SLC34A1: variants seen among roughly 807,000 people sequenced by gnomAD.
SLC34A1 encodes the protein sodium-dependent phosphate transport protein 2A.
In SLC34A1, 57 loss-of-function variants were observed where a neutral mutation model predicts 51.4. The observed-to-expected ratio is 1.11, with a 90% CI of 0.90 to 1.38. The LOEUF (loss-of-function observed/expected upper bound fraction) is 1.38. Ranked by LOEUF, SLC34A1 falls within the 40% of genes most tolerant of loss-of-function variation. The pLI is 0.00. For missense variants in SLC34A1, 796 were observed against 835.6 expected, an observed-to-expected ratio of 0.95 and a Z score of 0.58; for synonymous variants, 368 against 358.0, an observed-to-expected ratio of 1.03 and a Z score of -0.32.
At position 177,386,152 on chromosome 5, in the gene SLC34A1, G is replaced by T. The variant is rs1277817463; in HGVS notation, c.259+16G>T. On this transcript the variant is annotated intron_variant, in intron 3 of 12. Transcript: ENST00000324417. This position sits in a 1 kb window ranked among gnomAD's most constrained non-coding sequence, Gnocchi z 4.8. ...CAGAAGCCAGGTGGGCCTGGGCTGG[G>T]GGTGGCAGAGGCGGCAGCAGTCCCT... 1 of 1,613,848 alleles carries T rather than the reference G, an allele frequency of 6.2e-7. No individual in the cohort carries two copies. Among genetic ancestry groups the T allele is most frequent in the South Asian group, 1.1e-5 (1 of 91,068 alleles).
intron 8 of SLC34A1, chr5:177,390,069 C>T (rs1220479141): frequency 9.6e-6 from 11 of 1,149,424 alleles, no homozygotes; most frequent in South Asian, 2.4e-5. Context: ...GTGTGAAGTG[C>T]GTCCTGGCTC....
At chr5:177,387,896 G>A (rs765161683) in intron 6 of SLC34A1, 23 bp downstream of exon 6, 13 of 1,605,648 alleles carry the variant, frequency 8.1e-6, no homozygotes, top group African/African-American at 4.0e-5. Context: ...GGGGGTTGGG[G>A]GCTCGTGCCT....
chr5:177,389,022 C>T (rs186131223), intron 8 of SLC34A1, among the ~76,000 whole-genome samples: 1 of 152,162 alleles, frequency 6.6e-6, no homozygotes, highest in Admixed American at 6.5e-5. Context: ...ATGTTAACAG[C>T]CGCTTGTGCT....
chr5:177,390,655 GAGA>G (rs1762770485), intron 8 of SLC34A1: 2 of 152,598 alleles, frequency 1.3e-5, no homozygotes, highest in South Asian at 2.1e-4. Flanking sequence ...TTGCTCTAAG[GAGA>G]AGTTCTCCTT....
rs1763037020 is a variant in SLC34A1 at position 177,398,228 on chromosome 5, CT to C, written c.1863del (p.Ala622ProfsTer60). 2.5e-6 allele frequency: 4 copies of C among 1,601,782 alleles called. No individual in the cohort carries two copies. Among genetic ancestry groups the C allele is most frequent in the Admixed American group, 3.3e-5 (2 of 59,996 alleles). ...PPRVFLEELP[P>X]ATPSPRLALP... ...AGGGTCTTCCTGGAGGAGCTACCCC[CT>C]GCCACACCCTCCCCCCGTCTTGCAC... On this transcript the variant is annotated frameshift_variant, in exon 13 of 13. Transcript: ENST00000324417. LOFTEE classifies it high-confidence loss of function. The surrounding 1 kb of genome is among the most constrained non-coding windows in gnomAD (Gnocchi z 4.7).
chr5:177,386,001 C>T lies in SLC34A1; in HGVS notation c.124C>T (p.Pro42Ser), dbSNP rs1390710404. Residue 42 changes from proline (P) to serine (S), a missense_variant, in exon 3 of 13, where the codon CCG becomes TCG. Pro to Ser is a moderately conservative substitution (Grantham distance 74, BLOSUM62 -1). Coordinates refer to ENST00000324417, the MANE Select transcript of SLC34A1 (RefSeq NM_003052.5). The surrounding 1 kb of genome is among the most constrained non-coding windows in gnomAD (Gnocchi z 4.8). ...VPSPQVLHRI[P>S]GTSAYAFPSL... Reference sequence around the variant, plus strand: ...TCCCTCCCTAGTCCTACACAGGATCCCGGGGACCTCTGCCTATGCCTTCCC... The same window carrying T: ...TCCCTCCCTAGTCCTACACAGGATCTCGGGGACCTCTGCCTATGCCTTCCC... 6.2e-7 allele frequency: 1 copy of T among 1,610,428 alleles called. No homozygotes were observed. Among genetic ancestry groups the T allele is most frequent in the African/African-American group, 1.3e-5 (1 of 74,882 alleles).
rs1396017055 is a variant in SLC34A1 at position 177,398,434 on chromosome 5, TGA to T, written c.*152_*153del. On this transcript the variant is annotated 3_prime_UTR_variant, in exon 13 of 13. Transcript: ENST00000324417. This position sits in a 1 kb window ranked among gnomAD's most constrained non-coding sequence, Gnocchi z 4.7. ...AGCTCCGCAAAGCTCTGGGCTTGTG[TGA>T]GAGTGTCGGTGTGTGTGCATGTGTG... The T allele has an allele frequency of 3.2e-6, 3 of 932,900 alleles. No individual in the cohort carries two copies. The highest frequency in any genetic ancestry group is 5.2e-6 in the Non-Finnish European group (3 of 578,392). 57.8% of individuals were successfully genotyped at this position (932,900 alleles called of 1,614,324 possible). A position where few individuals can be genotyped will look rare whatever the true frequency, so the allele number is the denominator to read the frequency against.
chr5:177,388,011 C>A lies in SLC34A1; in HGVS notation c.662C>A (p.Thr221Lys). The change falls in exon 7 of 13, where the codon ACG becomes AAG. Residue 221 changes from threonine (T) to lysine (K), a missense_variant. By Grantham distance (78) the Thr-to-Lys change is moderately conservative. Coordinates refer to ENST00000324417, the MANE Select transcript of SLC34A1 (RefSeq NM_003052.5). The surrounding 1 kb of genome is among the most constrained non-coding windows in gnomAD (Gnocchi z 4.3). ...TDFRRAFAGA[T>K]VHDCFNWLSV... ...CTGCCCAGGGCCTTCGCGGGGGCCA[C>A]GGTGCATGACTGCTTTAACTGGCTG... 2 of 1,613,018 alleles carry A rather than the reference C, an allele frequency of 1.2e-6. No individual in the cohort carries two copies. The highest frequency in any genetic ancestry group is 1.7e-6 in the Non-Finnish European group (2 of 1,179,248).
rs779686844 is a variant in SLC34A1, at chr5:177,397,028, T to G, written c.1370T>G (p.Leu457Arg). 1.9e-6 allele frequency: 3 copies of G among 1,614,044 alleles called. No individual in the cohort carries two copies. The highest frequency in any genetic ancestry group is 1.1e-5 in the South Asian group (1 of 91,082). ...SNIGTTTTAI[L>R]AALASPREKL... ...ATCGGCACCACCACCACGGCCATCC[T>G]GGCTGCCCTGGCCAGCCCCAGGGAG... Residue 457 changes from leucine to arginine, a missense_variant, in exon 12 of 13, where the codon CTG becomes CGG. Transcript: ENST00000324417.
chr5:177,393,002 T>G (rs1426878532), intron 8 of SLC34A1, among the ~76,000 whole-genome samples: 1 of 152,178 alleles, frequency 6.6e-6, no homozygotes, highest in Non-Finnish European at 1.5e-5. Context: ...GCTGCGTCCC[T>G]GGATGGTGAC....
At position 177,393,894 on chromosome 5, in the gene SLC34A1, C is replaced by T. The variant is rs952116276; in HGVS notation, c.1006+131C>T. The T allele has an allele frequency of 4.1e-6, 6 of 1,481,070 alleles. No individual in the cohort carries two copies. In the Admixed American group the frequency reaches 8.4e-5, roughly 21 times the overall value. The allele number at this position is 1,481,070 out of a possible 1,614,324, so 91.7% of individuals were successfully genotyped here. ...GCTGTCAACTAGCCCAGCTCCTGAG[C>T]CTGGGTCAAGCTCCGGTGTTGAGGC... On this transcript the variant is annotated intron_variant, in intron 9 of 12. Transcript: ENST00000324417.
chr5:177,385,874 G>T (rs1394012226), intron 2 of SLC34A1, 24 bp downstream of exon 2: 2 of 1,611,206 alleles, frequency 1.2e-6, no homozygotes, highest in East Asian at 4.5e-5. Flanking sequence ...CCACACCCTG[G>T]ACCCTGGTTG....
At chr5:177,397,556 G>A in intron 12 of SLC34A1, 1 of 610,678 alleles carries the variant, frequency 1.6e-6, no homozygotes, top group Non-Finnish European at 2.9e-6. Context: ...AAAATGTGGG[G>A]AGCTCAGGGC....
chr5:177,389,784 C>CT, intron 8 of SLC34A1: 1 of 1,536,130 alleles, frequency 6.5e-7, no homozygotes, highest in Non-Finnish European at 8.7e-7. Context: ...GCCTCCACGT[C>CT]CTCACTTGAA....
intron 8 of SLC34A1, among the ~76,000 whole-genome samples, chr5:177,392,630 T>C (rs935435310): frequency 1.3e-5 from 2 of 151,938 alleles, no homozygotes; most frequent in African/African-American, 4.8e-5. Flanking sequence ...TTTCGGGAGT[T>C]TTTCATTTTT....
At chr5:177,385,955 C>T in intron 2 of SLC34A1, 32 bp from the exon 3 acceptor site, 1 of 1,610,286 alleles carries the variant, frequency 6.2e-7, no homozygotes, top group Non-Finnish European at 8.5e-7. Flanking sequence ...CACTTTGGGG[C>T]CCTGGGGCTC....
Position 177,386,490 on chromosome 5 carries a change from G to A in SLC34A1, c.456G>A (p.Val152=), listed in dbSNP as rs1198070572. ...CCAACCCGGTGGCCGGGCTGGTGGT[G>A]GGGATCCTGGTGACCGTGCTGGTGC... ...ILSNPVAGLV[V]GILVTVLVQS... The change falls in exon 5 of 13, where the codon GTG becomes GTA. Residue 152 remains valine (V), a synonymous_variant. Transcript: ENST00000324417. The surrounding 1 kb of genome is among the most constrained non-coding windows in gnomAD (Gnocchi z 4.8). 3 of 1,614,068 alleles carry A rather than the reference G, an allele frequency of 1.9e-6. No individual in the cohort carries two copies. Among genetic ancestry groups the A allele is most frequent in the African/African-American group, 1.3e-5 (1 of 74,942 alleles).
intron 12 of SLC34A1, chr5:177,397,417 T>C: frequency 4.1e-6 from 2 of 486,244 alleles, no homozygotes; most frequent in Non-Finnish European, 7.5e-6. Flanking sequence ...GGAATTATTC[T>C]AGGAGCAAAG....
chr5:177,387,598 G>C (rs1341571104), intron 5 of SLC34A1, among the ~76,000 whole-genome samples, 164 bp from the exon 6 acceptor site: 1 of 152,232 alleles, frequency 6.6e-6, no homozygotes, highest in African/African-American at 2.4e-5. Context: ...TAAACGCACA[G>C]CCCGTGCCCA....
Sources: allele counts gnomAD v4.1 joint callset (sites outside exome capture counted in the v4.1 genomes callset), GRCh38; gene constraint gnomAD v4.1.1; non-coding constraint Gnocchi (gnomAD v3.1); transcripts MANE v1.5; gene names NCBI Gene and HGNC (gene_info 2026-07-23, HGNC 2026-07-21).